NCOR1: variants seen among roughly 807,000 people sequenced by gnomAD.
NCOR1 encodes protein phosphatase 1, regulatory subunit 109.
NCOR1 carries 63 observed loss-of-function variants against 288.1 expected under a neutral mutation model. The ratio of observed to expected loss-of-function variants is 0.22; its 90% CI spans 0.18 to 0.27. The LOEUF (loss-of-function observed/expected upper bound fraction) is 0.27. Ranked by LOEUF, NCOR1 falls within the 10% of genes least tolerant of loss-of-function variation. The pLI is 1.00. For missense variants in NCOR1, 2,397 were observed against 3,019.2 expected (o/e 0.79, Z 4.83); for synonymous variants, 1,007 against 1,065.9 (o/e 0.94, Z 1.08).
intron 19 of NCOR1, among the ~76,000 whole-genome samples, chr17:16,107,096 C>T (rs988706407): frequency 3.3e-5 from 5 of 151,340 alleles, no homozygotes; most frequent in African/African-American, 7.3e-5. Flanking sequence ...GGGGTTTCAC[C>T]GTGTTAGCCA....
chr17:16,211,354 A>G (rs1314687214), intron 1 of NCOR1, among the ~76,000 whole-genome samples: 1 of 151,592 alleles, frequency 6.6e-6, no homozygotes, highest in African/African-American at 2.4e-5. Context: ...TCAACCTCCC[A>G]GGCTCAGCTT....
chr17:16,075,963 T>C (rs562200896), intron 26 of NCOR1, among the ~76,000 whole-genome samples: 71 of 152,362 alleles, frequency 4.7e-4, no homozygotes, highest in African/African-American at 1.6e-3. Context: ...CACCTTCATG[T>C]GAGGACTCTA....
chr17:16,147,885 C>A (rs538445246), intron 9 of NCOR1, among the ~76,000 whole-genome samples: 30 of 152,180 alleles, frequency 2.0e-4, no homozygotes, highest in Non-Finnish European at 3.4e-4. Flanking sequence ...GTGGCGCGAT[C>A]TCGCTCACTG....
intron 42 of NCOR1, chr17:16,044,467 AG>A (rs1296451425): frequency 2.1e-6 from 1 of 473,106 alleles, no homozygotes; most frequent in Non-Finnish European, 4.4e-6. Context: ...AGTAGATGGT[AG>A]ATCACAGAAA....
At chr17:16,181,931 G>A (rs2085566634) in intron 3 of NCOR1, among the ~76,000 whole-genome samples, 1 of 151,924 alleles carries the variant, frequency 6.6e-6, no homozygotes, top group Admixed American at 6.6e-5. Context: ...CAAAAGTATG[G>A]GTAACAAACT....
At chr17:16,040,396 G>T in intron 43 of NCOR1, 45 bp downstream of exon 43, 2 of 1,554,704 alleles carry the variant, frequency 1.3e-6, no homozygotes, top group Non-Finnish European at 8.9e-7. Flanking sequence ...ACTGACTACT[G>T]CTGTGCCAAT....
At chr17:16,040,720 A>T (rs2057402161) in intron 42 of NCOR1, 1 of 562,512 alleles carries the variant, frequency 1.8e-6, no homozygotes, top group South Asian at 1.7e-5. Context: ...GAAATAGGTA[A>T]GGTAGGAACA....
chr17:16,055,052 T>C (rs1025254206), intron 40 of NCOR1, among the ~76,000 whole-genome samples: 1 of 152,100 alleles, frequency 6.6e-6, no homozygotes, highest in African/African-American at 2.4e-5. Context: ...GTGGAGAAAA[T>C]GGAACACTTA....
In NCOR1 at chr17:16,047,100, G is replaced by A; in HGVS notation, c.6537-7C>T. 2 of 1,608,944 alleles carry A rather than the reference G, an allele frequency of 1.2e-6. No individual in the cohort carries two copies. The highest frequency in any genetic ancestry group is 1.7e-6 in the Non-Finnish European group (2 of 1,177,706). ...TGGTGAGCGGGCATCATTCCTGTTAGGGCCAAAGTTAAGTATATTACAACC... is the reference window on the plus strand; with the variant it reads ...TGGTGAGCGGGCATCATTCCTGTTAAGGCCAAAGTTAAGTATATTACAACC... On this transcript the variant is annotated splice_region_variant and splice_polypyrimidine_tract_variant and intron_variant, in intron 41 of 45. Coordinates refer to ENST00000268712, the MANE Select transcript of NCOR1 (RefSeq NM_006311.4).
At chr17:16,199,362 T>C (rs1254926201) in intron 1 of NCOR1, among the ~76,000 whole-genome samples, 5 of 152,050 alleles carry the variant, frequency 3.3e-5, no homozygotes, top group African/African-American at 1.2e-4. Flanking sequence ...CCTCAAAACT[T>C]ATCCATGAGA....
Position 16,092,041 on chromosome 17 carries a change from A to G in NCOR1, c.2838T>C (p.Cys946=). The G allele has an allele frequency of 6.2e-7, 1 of 1,614,102 alleles. No homozygotes were observed. The highest frequency in any genetic ancestry group is 8.5e-7 in the Non-Finnish European group (1 of 1,180,034). The change falls in exon 22 of 46, where the codon TGT becomes TGC. Residue 946 remains cysteine, a synonymous_variant. Transcript: ENST00000268712. ...TCACTGGGGTTCCAATTGGTATGTTACATGGGGTGCAGGATACCTATAGGA... is the reference window on the plus strand; with the variant it reads ...TCACTGGGGTTCCAATTGGTATGTTGCATGGGGTGCAGGATACCTATAGGA... ...VIPPMVSCTP[C]NIPIGTPVSG... is the part of the protein sequence containing the mutation.
At chr17:16,075,166 C>T (rs952493077) in intron 27 of NCOR1, among the ~76,000 whole-genome samples, 1 of 152,120 alleles carries the variant, frequency 6.6e-6, no homozygotes, top group African/African-American at 2.4e-5. Flanking sequence ...CGTGAACCAC[C>T]GCGCCCAGCC....
Position 16,127,105 on chromosome 17 carries a change from GTGTGTATA to G in NCOR1, c.1510-907_1510-900del, listed in dbSNP as rs2074196572. Among the ~76,000 whole-genome samples the G allele has an allele frequency of 1.1e-4, 11 of 103,044 alleles. 2 individuals carry two copies. The highest frequency in any genetic ancestry group is 5.4e-4 in the South Asian group (2 of 3,708). 67.6% of individuals were successfully genotyped at this position (103,044 alleles called of 152,430 possible). A position where few individuals can be genotyped will look rare whatever the true frequency, so the allele number is the denominator to read the frequency against. On this transcript the variant is annotated intron_variant, in intron 14 of 45. Coordinates refer to ENST00000268712, the MANE Select transcript of NCOR1 (RefSeq NM_006311.4). Reference sequence around the variant, plus strand: ...AAATCAAAGTTTATCATAGGTGTGTGTGTGTATATGTATATATCTGTATGTATATATAC... The same window carrying G: ...AAATCAAAGTTTATCATAGGTGTGTGTGTATATATCTGTATGTATATATAC...
At position 16,173,587 on chromosome 17, in the gene NCOR1, T is replaced by C. The variant is rs112657823; in HGVS notation, c.243-1592A>G. On this transcript the variant is annotated intron_variant, in intron 3 of 45. Transcript: ENST00000268712. ...TACAAAATCAACACACAAAACTCAG[T>C]TGTATTCTATACACTAGCATTAAAC... Among the ~76,000 whole-genome samples the C allele has an allele frequency of 6.1e-4, 93 of 151,760 alleles. 1 individual carries two copies. Among genetic ancestry groups the C allele is most frequent in the African/African-American group, 2.1e-3 (89 of 41,432 alleles).
chr17:16,093,875 A>G (rs1207379494), intron 21 of NCOR1, among the ~76,000 whole-genome samples: 1 of 152,104 alleles, frequency 6.6e-6, no homozygotes, highest in Non-Finnish European at 1.5e-5. Flanking sequence ...AGAGCATCGC[A>G]TTTTAATTCA....
intron 14 of NCOR1, among the ~76,000 whole-genome samples, chr17:16,127,375 A>ATATATGTATGTATATATACATGTATGTG (rs2074545798): frequency 1.6e-5 from 2 of 127,350 alleles, no homozygotes; most frequent in Admixed American, 1.6e-4. Context: ...ACATGTATGT[A>ATATATGTATGTATATATACATGTATGTG]TATATGTATG....
At chr17:16,063,955 C>T (rs928521921) in intron 35 of NCOR1, 113 bp downstream of exon 35, 5 of 1,377,000 alleles carry the variant, frequency 3.6e-6, no homozygotes, top group African/African-American at 2.9e-5. Context: ...CCTGTAATAA[C>T]GTTGTCTTAG....
chr17:16,040,530 T>A (rs1173465203), intron 42 of NCOR1, 36 bp from the exon 43 acceptor site: 4 of 1,581,380 alleles, frequency 2.5e-6, no homozygotes, highest in Non-Finnish European at 2.6e-6. Context: ...AATTAAGATG[T>A]GATAATCATA....
At chr17:16,037,181 C>A (rs1453345955) in intron 44 of NCOR1, among the ~76,000 whole-genome samples, 3 of 152,130 alleles carry the variant, frequency 2.0e-5, no homozygotes, top group African/African-American at 7.2e-5. Context: ...CACACACCAC[C>A]TTTATGGGTT....
Sources: allele counts gnomAD v4.1 joint callset (sites outside exome capture counted in the v4.1 genomes callset), GRCh38; gene constraint gnomAD v4.1.1; transcripts MANE v1.5; gene names NCBI Gene and HGNC (gene_info 2026-07-23, HGNC 2026-07-21).